AMBRA1: variants seen among roughly 807,000 people sequenced by gnomAD.
AMBRA1 encodes autophagy and beclin 1 regulator 1, also known as activating molecule in BECN1-regulated autophagy protein 1.
A neutral mutation model predicts 125.4 loss-of-function variants in AMBRA1; 47 were observed. That is an observed-to-expected ratio of 0.37 (90% CI 0.30 to 0.48). The LOEUF is 0.48. AMBRA1 is among the 20% of genes least tolerant of loss of function. The pLI is 0.99. For missense variants in AMBRA1, 1,331 were observed against 1,693.4 expected (o/e 0.79, Z 3.76); for synonymous variants, 626 against 655.5 (o/e 0.95, Z 0.69).
chr11:46,464,874 G>A (rs1313723703), intron 11 of AMBRA1, among the ~76,000 whole-genome samples: 1 of 151,870 alleles, frequency 6.6e-6, no homozygotes, highest in South Asian at 2.1e-4. Flanking sequence ...GTGAAACCCC[G>A]TCTCTACTAA....
intron 11 of AMBRA1, among the ~76,000 whole-genome samples, chr11:46,447,260 C>T (rs1474112782): frequency 6.6e-6 from 1 of 151,606 alleles, no homozygotes; most frequent in African/African-American, 2.4e-5. Flanking sequence ...AAAGGCCACG[C>T]GCAGTAGCTC....
rs118075892 is a variant in AMBRA1 at position 46,418,077 on chromosome 11, A to G, written c.2977-25T>C. On this transcript the variant is annotated intron_variant, in intron 14 of 17. Coordinates refer to ENST00000683756, the MANE Select transcript of AMBRA1 (RefSeq NM_001387011.1). ...TCTAGGTAGAGGAAAAGAGGGAAAA[A>G]AAGAGAATGGGAGGAGAAACAATTT... The G allele has an allele frequency of 4.6e-6, 7 of 1,537,070 alleles. No individual in the cohort carries two copies. In the East Asian group the frequency reaches 1.6e-4, roughly 36 times the overall value.
chr11:46,483,329 G>T (rs1385742851), intron 11 of AMBRA1, among the ~76,000 whole-genome samples: 1 of 152,172 alleles, frequency 6.6e-6, no homozygotes, highest in African/African-American at 2.4e-5. Context: ...CTATTTGCAG[G>T]AGTTTCTTTC....
rs1045614166 is a variant in AMBRA1, at chr11:46,396,827, A to T, written c.*623T>A. 3 of 152,430 alleles carry T rather than the reference A, an allele frequency of 2.0e-5. No individual in the cohort carries two copies. The allele number at this position is 152,430 out of a possible 1,614,324, so 9.4% of individuals were successfully genotyped here. ...GTGAGGACCTGCCCACTGTCCCTTG[A>T]CCCCATCCTGTATCAGGCAAGCAGG... On this transcript the variant is annotated 3_prime_UTR_variant, in exon 18 of 18. Coordinates refer to ENST00000683756, the MANE Select transcript of AMBRA1 (RefSeq NM_001387011.1).
intron 9 of AMBRA1, chr11:46,495,617 G>A (rs1950603144): frequency 6.6e-6 from 1 of 152,234 alleles, no homozygotes; most frequent in Non-Finnish European, 1.5e-5. Flanking sequence ...TAAAAGGGGG[G>A]TTAAAGAGAA....
chr11:46,547,723 A>G, intron 3 of AMBRA1, 94 bp downstream of exon 3: 1 of 1,265,376 alleles, frequency 7.9e-7, no homozygotes, highest in South Asian at 1.3e-5. Flanking sequence ...TACTTCAGAG[A>G]GACTTTAGGG....
chr11:46,496,992 A>G (rs1288506501), intron 9 of AMBRA1, among the ~76,000 whole-genome samples: 1 of 152,004 alleles, frequency 6.6e-6, no homozygotes, highest in Admixed American at 6.6e-5. Context: ...AGCGCCTGTA[A>G]TCTCAGCTAC....
intron 11 of AMBRA1, among the ~76,000 whole-genome samples, chr11:46,448,881 T>C (rs1948442672): frequency 6.6e-6 from 1 of 152,158 alleles, no homozygotes; most frequent in African/African-American, 2.4e-5. Context: ...ACACAGTATA[T>C]TACAATTTAC....
intron 7 of AMBRA1, among the ~76,000 whole-genome samples, chr11:46,515,874 C>T (rs1314441756): frequency 6.6e-6 from 1 of 152,150 alleles, no homozygotes; most frequent in East Asian, 1.9e-4. Flanking sequence ...TGGGGTTTCA[C>T]CATGTTGGTC....
chr11:46,590,567 C>T (rs1316240384), intron 1 of AMBRA1, among the ~76,000 whole-genome samples: 2 of 152,082 alleles, frequency 1.3e-5, no homozygotes, highest in African/African-American at 2.4e-5. Flanking sequence ...ATACATAACT[C>T]TGTTCCAGCT....
intron 1 of AMBRA1, among the ~76,000 whole-genome samples, chr11:46,564,788 A>G (rs2043464215): frequency 6.6e-6 from 1 of 152,216 alleles, no homozygotes; most frequent in Admixed American, 6.5e-5. Flanking sequence ...GAGGTTAACT[A>G]TTATTTGCCT....
chr11:46,478,552 C>T (rs552770116), intron 11 of AMBRA1, among the ~76,000 whole-genome samples: 325 of 152,214 alleles, frequency 2.1e-3, no homozygotes, highest in Middle Eastern at 6.8e-3. Flanking sequence ...AAACCAGGGT[C>T]CAGCTTTTTA....
At position 46,543,193 on chromosome 11, in the gene AMBRA1, G is replaced by C. The variant is rs528598365; in HGVS notation, c.824C>G (p.Pro275Arg). Reference protein sequence around the residue: ...SATPSPPPPPPQPSTERPRTS... With the variant: ...SATPSPPPPPRQPSTERPRTS... ...CCTGGGGCGCTCCGTGGAGGGCTGA[G>C]GGGGAGGCGGTGGGGGTGAGGGGGT... The change falls in exon 7 of 18, where the codon CCT becomes CGT. Residue 275 changes from proline (P) to arginine (R), a missense_variant. By Grantham distance (103) the Pro-to-Arg change is moderately radical. Coordinates refer to ENST00000683756, the MANE Select transcript of AMBRA1 (RefSeq NM_001387011.1). 4 of 1,585,942 alleles carry C rather than the reference G, an allele frequency of 2.5e-6. No individual in the cohort carries two copies. The South Asian group carries it at 3.4e-5, about 14-fold the overall frequency.
In AMBRA1 at chr11:46,408,720, G is replaced by A; in HGVS notation, c.3210-14C>T. On this transcript the variant is annotated splice_polypyrimidine_tract_variant and intron_variant, in intron 16 of 17. Transcript: ENST00000683756. ...GCTCTGCTGGTTCTAGGGAGAGAAA[G>A]GCAGACTAAAGTCAGATGGGGCTTG... The A allele has an allele frequency of 2.0e-6, 3 of 1,509,952 alleles. No homozygotes were observed. The highest frequency in any genetic ancestry group is 2.7e-6 in the Non-Finnish European group (3 of 1,123,218). 93.5% of individuals were successfully genotyped at this position (1,509,952 alleles called of 1,614,324 possible). A position where few individuals can be genotyped will look rare whatever the true frequency, so the allele number is the denominator to read the frequency against.
intron 7 of AMBRA1, among the ~76,000 whole-genome samples, chr11:46,528,033 T>C (rs2135118998): frequency 6.6e-6 from 1 of 152,270 alleles, no homozygotes; most frequent in South Asian, 2.1e-4. Context: ...TTTTTCAAAA[T>C]AGCCAAAATG....
At chr11:46,469,071 A>G (rs1949460171) in intron 11 of AMBRA1, among the ~76,000 whole-genome samples, 1 of 152,154 alleles carries the variant, frequency 6.6e-6, no homozygotes, top group South Asian at 2.1e-4. Flanking sequence ...TGAACCTGGG[A>G]GGCGGAGGTT....
At chr11:46,471,021 G>A (rs969923829) in intron 11 of AMBRA1, among the ~76,000 whole-genome samples, 38 of 152,316 alleles carry the variant, frequency 2.5e-4, no homozygotes, top group African/African-American at 8.9e-4. Flanking sequence ...GTTGCATGGC[G>A]ATTTCTGATA....
chr11:46,527,979 C>T (rs1952051514), intron 7 of AMBRA1, among the ~76,000 whole-genome samples: 1 of 152,134 alleles, frequency 6.6e-6, no homozygotes. Context: ...GAAATGAAAA[C>T]AGGATCTTGA....
chr11:46,408,679 G>C lies in AMBRA1; in HGVS notation c.3237C>G (p.Asp1079Glu), dbSNP rs931393005. ...PGTSRATWRT[D>E]RDMGLMNAIG... The stretch of plus-strand genomic sequence containing the variant: ...TGGCATTCATCAGCCCCATGTCTCT[G>C]TCTGTCCTCCATGTGGCTCTGCTGG... The change falls in exon 17 of 18, where the codon GAC becomes GAG. Residue 1079 changes from aspartate to glutamate, a missense_variant. By Grantham distance (45) the Asp-to-Glu change is conservative (BLOSUM62 2). Around this residue, in one of 4 missense-constraint regions of AMBRA1, gnomAD observed 354 missense variants for 532.7 expected, o/e 0.66. Transcript: ENST00000683756. 2 of 1,572,270 alleles carry C rather than the reference G, an allele frequency of 1.3e-6. No homozygotes were observed. Among genetic ancestry groups the C allele is most frequent in the African/African-American group, 2.7e-5 (2 of 73,600 alleles).
Sources: gnomAD v4.1 joint callset for allele counts (sites outside exome capture counted in the v4.1 genomes callset) on GRCh38, gnomAD v4.1.1 for gene constraint, gnomAD v4.1.1 regional missense constraint, MANE v1.5 for transcripts, NCBI Gene and HGNC (gene_info 2026-07-23, HGNC 2026-07-21) for gene names.